TMEM205: variants seen among roughly 807,000 people sequenced by gnomAD.
TMEM205 encodes MBC3205.
TMEM205 carries 11 observed loss-of-function variants against 17.9 expected under a neutral mutation model. The ratio of observed to expected loss-of-function variants is 0.61; its 90% confidence interval spans 0.39 to 1.02. The LOEUF (loss-of-function observed/expected upper bound fraction) is 1.02, where lower values mean the gene tolerates loss of function less well. Ranked by LOEUF, TMEM205 falls within the 50% of genes least tolerant of loss-of-function variation. The pLI, the probability that TMEM205 is intolerant of heterozygous loss-of-function variation, is 0.01. For synonymous variants in TMEM205, 86 were observed against 97.4 expected (o/e 0.88, Z 0.69); for missense variants, 236 against 239.4 (o/e 0.99, Z 0.09).
At position 11,345,516 on chromosome 19, in the gene TMEM205, C is replaced by T. The variant is rs1335390974; in HGVS notation, c.100+4G>A. 1.2e-6 allele frequency: 2 copies of T among 1,614,116 alleles called. No individual in the cohort carries two copies. The highest frequency in any genetic ancestry group is 3.3e-4 in the Middle Eastern group (2 of 6,062). On this transcript the variant is annotated splice_donor_region_variant and intron_variant, in intron 1 of 2. Transcript: ENST00000354882. ...CCCATGACATCCAAGCTGAGGGTCCCTACCTGAGACGAAGGTCACCCACAT... is the reference window on the plus strand; with the variant it reads ...CCCATGACATCCAAGCTGAGGGTCCTTACCTGAGACGAAGGTCACCCACAT...
In TMEM205 at chr19:11,343,244, C is replaced by A. The variant is rs1599364901; in HGVS notation, c.265-124G>T. On this transcript the variant is annotated intron_variant, in intron 2 of 2. Transcript: ENST00000354882. ...TGGGGACAGCACTGGATCAAAAAACCTGCCTCCCCCTCTTTCCTTGAACCC... is the reference window on the plus strand; with the variant it reads ...TGGGGACAGCACTGGATCAAAAAACATGCCTCCCCCTCTTTCCTTGAACCC... The A allele has an allele frequency of 7.1e-6, 7 of 985,884 alleles. No individual in the cohort carries two copies. In the East Asian group the frequency reaches 1.8e-4, roughly 26 times the overall value. 61.1% of individuals were successfully genotyped at this position (985,884 alleles called of 1,614,324 possible). A position where few individuals can be genotyped will look rare whatever the true frequency, so the allele number is the denominator to read the frequency against.
At chr19:11,345,025 T>G (rs748780015) in intron 2 of TMEM205, among the ~76,000 whole-genome samples, 1 of 151,988 alleles carries the variant, frequency 6.6e-6, no homozygotes, top group Non-Finnish European at 1.5e-5. Context: ...CTGGCTAATT[T>G]TTTTGTATTT....
rs550311165 is a variant in TMEM205, at chr19:11,345,430, G to C, written c.101-15C>G. The C allele has an allele frequency of 6.2e-7, 1 of 1,614,080 alleles. No individual in the cohort carries two copies. The highest frequency in any genetic ancestry group is 1.1e-5 in the South Asian group (1 of 91,072). On this transcript the variant is annotated splice_polypyrimidine_tract_variant and intron_variant, in intron 1 of 2. Transcript: ENST00000354882. Reference sequence around the variant, plus strand: ...AAGCAGGAAGCCTGCAGGGTATGGGGACCACAGGGGTGTTAGGGCACTTCC... The same window carrying C: ...AAGCAGGAAGCCTGCAGGGTATGGGCACCACAGGGGTGTTAGGGCACTTCC...
Position 11,345,410 on chromosome 19 carries a change from G to C in TMEM205, c.106C>G (p.Leu36Val). ...TGTCGGGGAAGGCTTCGGAAAAGCA[G>C]GAAGCCTGCAGGGTATGGGGACCAC... ...QMWVTFVSGF[L>V]LFRSLPRHTF... The change falls in exon 2 of 3, where the codon CTG (leucine) becomes GTG (valine). Residue 36 changes from leucine to valine, a missense_variant. By Grantham distance (32) the Leu-to-Val change is conservative (BLOSUM62 1). Transcript: ENST00000354882. 1.2e-6 allele frequency: 2 copies of C among 1,614,178 alleles called. No homozygotes were observed. Among genetic ancestry groups the C allele is most frequent in the African/African-American group, 1.3e-5 (1 of 75,030 alleles).
chr19:11,345,179 GGT>G, intron 2 of TMEM205, 71 bp downstream of exon 2: 1 of 1,514,466 alleles, frequency 6.6e-7, no homozygotes, highest in African/African-American at 1.4e-5. Flanking sequence ...CCCTGGAAAA[GGT>G]GTAGCCATAG....
chr19:11,343,931 G>T (rs1010017242), intron 2 of TMEM205, among the ~76,000 whole-genome samples: 1 of 148,872 alleles, frequency 6.7e-6, no homozygotes, highest in African/African-American at 2.5e-5. Flanking sequence ...ACACAGCAAA[G>T]ACCCTCATCT....
intron 2 of TMEM205, chr19:11,344,844 T>G (rs912026802): frequency 1.2e-5 from 2 of 173,248 alleles, no homozygotes; most frequent in Admixed American, 1.2e-4. Context: ...TCCTCTCCTC[T>G]CCTTTCCTTT....
rs1967218570 is a variant in TMEM205, at chr19:11,346,177, G to A, written c.-558C>T. The A allele has an allele frequency of 1.2e-5, 3 of 254,770 alleles. No homozygotes were observed. The highest frequency in any genetic ancestry group is 1.1e-4 in the South Asian group (3 of 26,094). 15.8% of individuals were successfully genotyped at this position (254,770 alleles called of 1,614,324 possible). ...CAGCACCCGGATTCCGAGAACAGAGGCGTCGGGGCCAAATGGGCTGAATCT... is the reference window on the plus strand; with the variant it reads ...CAGCACCCGGATTCCGAGAACAGAGACGTCGGGGCCAAATGGGCTGAATCT... On this transcript the variant is annotated 5_prime_UTR_variant, in exon 1 of 3. Transcript: ENST00000354882.
At chr19:11,345,161 T>C in intron 2 of TMEM205, 91 bp downstream of exon 2, 4 of 1,417,236 alleles carry the variant, frequency 2.8e-6, no homozygotes, top group East Asian at 2.4e-5. Context: ...TAGCCTTTTT[T>C]TTTCCCCCCC....
intron 2 of TMEM205, 60 bp from the exon 3 acceptor site, chr19:11,343,180 G>T (rs146713899): frequency 4.7e-6 from 7 of 1,490,054 alleles, no homozygotes; most frequent in Non-Finnish European, 5.5e-6. Flanking sequence ...GGGCCCTAGG[G>T]AGGGTCTTTC....
intron 2 of TMEM205, 125 bp downstream of exon 2, chr19:11,345,127 A>G (rs1967123014): frequency 3.8e-6 from 4 of 1,052,216 alleles, no homozygotes; most frequent in Non-Finnish European, 5.4e-6. Flanking sequence ...AAGTGTTGGG[A>G]TTACAGGCGT....
At chr19:11,345,459 T>C in intron 1 of TMEM205, 44 bp from the exon 2 acceptor site, 1 of 1,613,850 alleles carries the variant, frequency 6.2e-7, no homozygotes, top group Non-Finnish European at 8.5e-7. Flanking sequence ...CACTTCCCGG[T>C]TCCCCTCTTA....
rs888966910 is a variant in TMEM205 at position 11,345,934 on chromosome 19, C to T, written c.-315G>A. On this transcript the variant is annotated 5_prime_UTR_variant, in exon 1 of 3. In the 5' UTR this introduces an upstream ATG that the reference lacks. Transcript: ENST00000354882. Reference sequence around the variant, plus strand: ...CATAGCCCTAGGTCTTCAGAGATCACTCCACTAATTCCCAAATATCACCCC... The same window carrying T: ...CATAGCCCTAGGTCTTCAGAGATCATTCCACTAATTCCCAAATATCACCCC... The T allele has an allele frequency of 2.1e-5, 7 of 332,324 alleles. No homozygotes were observed. Among genetic ancestry groups the T allele is most frequent in the South Asian group, 6.3e-5 (2 of 31,890 alleles). The allele number at this position is 332,324 out of a possible 1,614,324, so 20.6% of individuals were successfully genotyped here. A position where few individuals can be genotyped will look rare whatever the true frequency, so the allele number is the denominator to read the frequency against.
intron 2 of TMEM205, among the ~76,000 whole-genome samples, chr19:11,344,932 T>G (rs1967106645): frequency 6.7e-6 from 1 of 149,722 alleles, no homozygotes. Flanking sequence ...CTCGGCTCAC[T>G]GCAACCTCTG....
intron 2 of TMEM205, among the ~76,000 whole-genome samples, chr19:11,343,656 C>A: frequency 6.6e-6 from 1 of 151,998 alleles, no homozygotes; most frequent in African/African-American, 2.4e-5. Context: ...TGGGGGCTGT[C>A]CCCCTGTAAT....
At position 11,345,345 on chromosome 19, in the gene TMEM205, G is replaced by A. The variant is rs1195599522; in HGVS notation, c.171C>T (p.Tyr57=). Reference sequence around the variant, plus strand: ...AGGCACAGCCCATGGAGATGTGGAAGTAGAAGGGGAAGAGTTTGCTCTGCA... The same window carrying A: ...AGGCACAGCCCATGGAGATGTGGAAATAGAAGGGGAAGAGTTTGCTCTGCA... ...GLVQSKLFPF[Y]FHISMGCAFI... is the part of the protein sequence containing the mutation. Residue 57 remains tyrosine (Y), a synonymous_variant, in exon 2 of 3, where the codon TAC becomes TAT. Transcript: ENST00000354882. The A allele has an allele frequency of 6.2e-7, 1 of 1,614,218 alleles. No individual in the cohort carries two copies. Among genetic ancestry groups the A allele is most frequent in the Admixed American group, 1.7e-5 (1 of 60,016 alleles).
intron 2 of TMEM205, among the ~76,000 whole-genome samples, chr19:11,343,619 A>G (rs749399104): frequency 6.6e-6 from 1 of 152,026 alleles, no homozygotes; most frequent in Non-Finnish European, 1.5e-5. Flanking sequence ...CCCCGTCTCT[A>G]CTAAAAATAC....
At chr19:11,345,492 C>T (rs79030833) in intron 1 of TMEM205, 28 bp downstream of exon 1, 1 of 1,614,066 alleles carries the variant, frequency 6.2e-7, no homozygotes, top group African/African-American at 1.3e-5. Flanking sequence ...CCCCAGGTAC[C>T]CATGACATCC....
chr19:11,343,739 T>G, intron 2 of TMEM205, among the ~76,000 whole-genome samples: 1 of 152,028 alleles, frequency 6.6e-6, no homozygotes, highest in Non-Finnish European at 1.5e-5. Context: ...GAGCCAAGAT[T>G]GCACCACTGC....
Sources: gnomAD v4.1 joint callset for allele counts (sites outside exome capture counted in the v4.1 genomes callset) on GRCh38, gnomAD v4.1.1 for gene constraint, MANE v1.5 for transcripts, NCBI Gene and HGNC (gene_info 2026-07-23, HGNC 2026-07-21) for gene names.